Variants in STEAP2 observed in about 807,000 individuals in gnomAD.
STEAP2 encodes the protein metalloreductase STEAP2.
A neutral mutation model predicts 46.4 loss-of-function variants in STEAP2; 30 were observed. The ratio of observed to expected loss-of-function variants is 0.65; its 90% CI spans 0.48 to 0.88. STEAP2 has a LOEUF of 0.88. Ranked by LOEUF, STEAP2 falls within the 40% of genes least tolerant of loss-of-function variation. The pLI, the probability that STEAP2 is intolerant of heterozygous loss-of-function variation, is 0.00. For missense variants in STEAP2, 513 were observed against 579.3 expected (o/e 0.89, Z 1.18); for synonymous variants, 180 against 200.5 (o/e 0.90, Z 0.86).
At chr7:90,226,929 AAAC>A (rs1469989770) in intron 3 of STEAP2, 39 bp from the exon 4 acceptor site, 3 of 1,518,328 alleles carry the variant, frequency 2.0e-6, no homozygotes, top group South Asian at 2.7e-5. Context: ...CCATTTTTAT[AAAC>A]AACAATGGTA....
At chr7:90,228,588 C>T (rs1398536588) in intron 4 of STEAP2, among the ~76,000 whole-genome samples, 2 of 152,024 alleles carry the variant, frequency 1.3e-5, no homozygotes, top group African/African-American at 4.8e-5. Flanking sequence ...CCCTGCTCTA[C>T]CTTTCTTTTT....
chr7:90,212,275 G>C (rs1794844740), intron 1 of STEAP2: 1 of 152,612 alleles, frequency 6.6e-6, no homozygotes, highest in Admixed American at 6.5e-5. Flanking sequence ...TTGGTTCCTA[G>C]AGCTAAGGGC....
At chr7:90,213,133 T>C (rs933434937) in intron 1 of STEAP2, among the ~76,000 whole-genome samples, 1 of 152,096 alleles carries the variant, frequency 6.6e-6, no homozygotes, top group African/African-American at 2.4e-5. Context: ...TGTGCTGCCA[T>C]TGGGATGGCT....
downstream of STEAP2, among the ~76,000 whole-genome samples, chr7:90,242,085 GA>G (rs66642075): frequency 0.11 from 16,154 of 149,712 alleles, 2,331 homozygotes; most frequent in East Asian, 0.61. Flanking sequence ...GTTAGAGCTA[GA>G]AAAAAAAAAT....
intron 5 of STEAP2, 29 bp downstream of exon 5, chr7:90,230,065 T>G (rs1482612477): frequency 1.2e-6 from 2 of 1,601,698 alleles, no homozygotes; most frequent in Admixed American, 1.7e-5. Context: ...GGTGAAGGAT[T>G]GTGCAGGATA....
intron 5 of STEAP2, among the ~76,000 whole-genome samples, chr7:90,231,253 T>C (rs894570638): frequency 1.3e-5 from 2 of 151,932 alleles, no homozygotes; most frequent in Non-Finnish European, 2.9e-5. Context: ...AATTGTTGTT[T>C]ATATTAATAC....
Position 90,227,061 on chromosome 7 carries a change from T to G in STEAP2, c.583T>G (p.Leu195Val), listed in dbSNP as rs762787509. ...TTTCATTCCCATTGACTTGGGATCC[T>G]TATCATCAGCCAGAGAGATTGAAAA... ...LNFIPIDLGS[L>V]SSAREIENLP... Residue 195 changes from leucine (L) to valine (V), a missense_variant, in exon 4 of 6, where the codon TTA (leucine) becomes GTA (valine). Physicochemically the swap from Leu to Val is conservative, Grantham distance 32 (BLOSUM62 1). Coordinates refer to ENST00000394621, the MANE Select transcript of STEAP2 (RefSeq NM_001244944.2). 6.2e-7 allele frequency: 1 copy of G among 1,613,760 alleles called. No homozygotes were observed. The highest frequency in any genetic ancestry group is 1.1e-5 in the South Asian group (1 of 91,028).
At chr7:90,224,012 G>A (rs920925928) in intron 2 of STEAP2, among the ~76,000 whole-genome samples, 5 of 152,098 alleles carry the variant, frequency 3.3e-5, no homozygotes, top group African/African-American at 1.2e-4. Flanking sequence ...CTCTTGTCTT[G>A]TGAGCCATCA....
intron 1 of STEAP2, 37 bp downstream of exon 1, chr7:90,212,082 G>C (rs1794833792): frequency 6.6e-6 from 1 of 152,612 alleles, no homozygotes; most frequent in African/African-American, 2.4e-5. Context: ...AGAAGGTAGC[G>C]GCGGCGGAGT....
rs1795529515 is a variant in STEAP2, at chr7:90,227,157, T to G, written c.679T>G (p.Phe227Val). The G allele has an allele frequency of 6.2e-7, 1 of 1,613,600 alleles. No homozygotes were observed. Among genetic ancestry groups the G allele is most frequent in the Non-Finnish European group, 8.5e-7 (1 of 1,179,824 alleles). ...AGCTATAAGCTTGGCCACATTTTTT[T>G]TCCTTTATTCCTTTGTCAGAGATGT... The part of the protein sequence containing the change: ...VVAISLATFF[F>V]LYSFVRDVIH... The change falls in exon 4 of 6, where the codon TTC becomes GTC. Residue 227 changes from phenylalanine (F) to valine (V), a missense_variant. Physicochemically the swap from Phe to Val is conservative, Grantham distance 50. Coordinates refer to ENST00000394621, the MANE Select transcript of STEAP2 (RefSeq NM_001244944.2).
At chr7:90,238,036 C>T, downstream of STEAP2, 1 of 716,310 alleles carries the variant, frequency 1.4e-6, no homozygotes, top group Non-Finnish European at 2.6e-6. Context: ...TTTTATCATC[C>T]CGCATCCATG....
chr7:90,231,621 G>A (rs896483648), intron 5 of STEAP2, among the ~76,000 whole-genome samples: 1 of 152,040 alleles, frequency 6.6e-6, no homozygotes, highest in African/African-American at 2.4e-5. Flanking sequence ...TCTAAACAGA[G>A]AAAAGGTACA....
In STEAP2 at chr7:90,225,467, A is replaced by C. The variant is rs763990661; in HGVS notation, c.385A>C (p.Asn129His). 6.2e-7 allele frequency: 1 copy of C among 1,613,892 alleles called. No individual in the cohort carries two copies. Among genetic ancestry groups the C allele is most frequent in the Non-Finnish European group, 8.5e-7 (1 of 1,179,918 alleles). The stretch of plus-strand genomic sequence containing the variant: ...GAGGATAAACCAGTACCCAGAATCC[A>C]ATGCTGAATATTTGGCTTCATTATT... ...NMRINQYPES[N>H]AEYLASLFPD... is the part of the protein sequence containing the mutation. The change falls in exon 3 of 6, where the codon AAT (asparagine) becomes CAT (histidine). Residue 129 changes from asparagine to histidine, a missense_variant. Physicochemically the swap from Asn to His is moderately conservative, Grantham distance 68. Coordinates refer to ENST00000394621, the MANE Select transcript of STEAP2 (RefSeq NM_001244944.2).
chr7:90,224,850 CT>C (rs1170802025), intron 2 of STEAP2, among the ~76,000 whole-genome samples, 199 bp from the exon 3 acceptor site: 1 of 152,114 alleles, frequency 6.6e-6, no homozygotes, highest in Non-Finnish European at 1.5e-5. Flanking sequence ...TATTGAGATG[CT>C]TTTTTAAAAG....
chr7:90,233,769 C>T lies in STEAP2; in HGVS notation c.*1145C>T, dbSNP rs945126391. On this transcript the variant is annotated 3_prime_UTR_variant, in exon 6 of 6. Coordinates refer to ENST00000394621, the MANE Select transcript of STEAP2 (RefSeq NM_001244944.2). ...CGGTTTTAACCACTAGGCTCTAGAG[C>T]TCCCGCCGCGCCCCTATGCATTATG... is the stretch of plus-strand genomic sequence containing the variant. The T allele has an allele frequency of 2.0e-6, 2 of 985,254 alleles. No homozygotes were observed. Among genetic ancestry groups the T allele is most frequent in the Admixed American group, 1.2e-4 (2 of 16,262 alleles). The allele number at this position is 985,254 out of a possible 1,614,324, so 61.0% of individuals were successfully genotyped here.
At chr7:90,213,937 G>A (rs1429750170) in intron 1 of STEAP2, 1 of 152,238 alleles carries the variant, frequency 6.6e-6, no homozygotes, top group African/African-American at 2.4e-5. Flanking sequence ...AGGTTAGAGA[G>A]GGGAAGCGGG....
rs1795794192 is a variant in STEAP2, at chr7:90,232,437, C to T, written c.1286C>T (p.Pro429Leu). Residue 429 changes from proline (P) to leucine (L), a missense_variant, in exon 6 of 6, where the codon CCA becomes CTA. Coordinates refer to ENST00000394621, the MANE Select transcript of STEAP2 (RefSeq NM_001244944.2). ...GAAGAGTACTACAGATTTTATACAC[C>T]ACCAAACTTTGTTCTTGCTCTTGTT... ...FEEEYYRFYT[P>L]PNFVLALVLP... is the part of the protein sequence containing the mutation. The T allele has an allele frequency of 6.2e-7, 1 of 1,613,580 alleles. No homozygotes were observed. The highest frequency in any genetic ancestry group is 8.5e-7 in the Non-Finnish European group (1 of 1,179,730).
At chr7:90,212,355 G>C (rs1262786370) in intron 1 of STEAP2, 2 of 152,826 alleles carry the variant, frequency 1.3e-5, no homozygotes, top group Non-Finnish European at 2.9e-5. Context: ...TGTCCCAGCA[G>C]GAAAGGACAG....
At chr7:90,229,451 C>G (rs1412315153) in intron 4 of STEAP2, among the ~76,000 whole-genome samples, 7 of 152,250 alleles carry the variant, frequency 4.6e-5, no homozygotes, top group Non-Finnish European at 4.4e-5. Context: ...CCAAGTTGAA[C>G]TAAGGCCAGA....
Sources: allele counts gnomAD v4.1 joint callset (sites outside exome capture counted in the v4.1 genomes callset), GRCh38; gene constraint gnomAD v4.1.1; transcripts MANE v1.5; gene names NCBI Gene and HGNC (gene_info 2026-07-23, HGNC 2026-07-21).